Variants in MAF observed in about 807,000 individuals in gnomAD.
MAF encodes the protein transcription factor Maf.
MAF carries 10 observed loss-of-function variants against 22.0 expected under a neutral mutation model. That is an observed-to-expected ratio of 0.45 (90% CI 0.28 to 0.77). MAF has a LOEUF of 0.77. Ranked by LOEUF, MAF falls within the 30% of genes least tolerant of loss-of-function variation. The probability of loss-of-function intolerance (pLI) is 0.12; values close to 1 mark genes in which losing one functional copy is unlikely to be tolerated. For missense variants in MAF, 544 were observed against 548.4 expected, an observed-to-expected ratio of 0.99 and a Z score of 0.08; for synonymous variants, 337 against 255.8, an observed-to-expected ratio of 1.32 and a Z score of -3.03.
chr16:79,403,360 A>G, the MAF span, among the ~76,000 whole-genome samples: 1 of 152,222 alleles, frequency 6.6e-6, no homozygotes, highest in Non-Finnish European at 1.5e-5. Context: ...CGCCTGGGTT[A>G]TCAACCTAAG....
At chr16:79,362,281 T>C in the MAF span, among the ~76,000 whole-genome samples, 1 of 152,244 alleles carries the variant, frequency 6.6e-6, no homozygotes, top group Non-Finnish European at 1.5e-5. Context: ...AGTGTTTGTG[T>C]TAGCGTGCAG....
the MAF span, among the ~76,000 whole-genome samples, chr16:79,511,053 G>A: frequency 6.6e-6 from 1 of 152,118 alleles, no homozygotes; most frequent in African/African-American, 2.4e-5. Context: ...CAGCTGGGAG[G>A]CCAGAAAGCA....
the MAF span, among the ~76,000 whole-genome samples, chr16:79,366,747 A>G: frequency 1.3e-5 from 2 of 152,246 alleles, no homozygotes; most frequent in African/African-American, 2.4e-5. Flanking sequence ...TGAGAAACGT[A>G]TGGTGCTAGA....
chr16:79,422,650 C>T, the MAF span, among the ~76,000 whole-genome samples: 2 of 152,086 alleles, frequency 1.3e-5, no homozygotes, highest in Non-Finnish European at 2.9e-5. Flanking sequence ...TATTCATATC[C>T]CCATTCCTTT....
the MAF span, among the ~76,000 whole-genome samples, chr16:79,304,561 T>C: frequency 1.3e-5 from 2 of 152,138 alleles, no homozygotes; most frequent in Non-Finnish European, 2.9e-5. Context: ...ATTCCATAAG[T>C]TGGAGACAAA....
intron 1 of MAF, chr16:79,596,983 T>A (rs1913570055): frequency 9.5e-7 from 1 of 1,052,968 alleles, no homozygotes; most frequent in Non-Finnish European, 1.1e-6. Context: ...CATTTTTGAA[T>A]GTAAAATACC....
chr16:79,281,547 T>G, the MAF span, among the ~76,000 whole-genome samples: 1 of 68,898 alleles, frequency 1.5e-5, no homozygotes, highest in South Asian at 6.6e-4. Context: ...CTTTGAAGAC[T>G]TTTTTTTTTT....
At chr16:79,244,190 A>C in the MAF span, among the ~76,000 whole-genome samples, 1 of 152,090 alleles carries the variant, frequency 6.6e-6, no homozygotes, top group Admixed American at 6.6e-5. Context: ...GCTCCTATTC[A>C]ACACAGTATC....
chr16:79,498,867 C>T, the MAF span, among the ~76,000 whole-genome samples: 1 of 152,176 alleles, frequency 6.6e-6, no homozygotes, highest in African/African-American at 2.4e-5. Flanking sequence ...TAAAACCTCT[C>T]CTCAGGTGTG....
At chr16:79,512,355 G>C in the MAF span, among the ~76,000 whole-genome samples, 3 of 152,190 alleles carry the variant, frequency 2.0e-5, no homozygotes, top group African/African-American at 7.2e-5. Context: ...GTCTCTGGTT[G>C]AAGAAAATGA....
chr16:79,437,513 G>C, the MAF span, among the ~76,000 whole-genome samples: 1 of 152,044 alleles, frequency 6.6e-6, no homozygotes, highest in African/African-American at 2.4e-5. Context: ...TTTACAGTGA[G>C]GGAGACAAAG....
the MAF span, among the ~76,000 whole-genome samples, chr16:79,377,975 T>G: frequency 2.0e-5 from 3 of 152,206 alleles, no homozygotes; most frequent in Admixed American, 1.3e-4. Flanking sequence ...GCCTCCAGCT[T>G]TGTTCTTTTG....
the MAF span, among the ~76,000 whole-genome samples, chr16:79,215,429 C>G: frequency 6.6e-6 from 1 of 152,154 alleles, no homozygotes; most frequent in Non-Finnish European, 1.5e-5. Flanking sequence ...AGTTATGCTT[C>G]AAGCATTTGG....
Position 79,594,226 on chromosome 16 carries a change from G to T in MAF, c.*234C>A. On this transcript the variant is annotated 3_prime_UTR_variant, in exon 2 of 2. Transcript: ENST00000326043. ...ATGGCAGGTTGAAAGCAATGCACCT[G>T]TTTACTTGCACACACCATAAATCGA... 1.9e-6 allele frequency: 1 copy of T among 515,792 alleles called. No homozygotes were observed. The highest frequency in any genetic ancestry group is 3.5e-6 in the Non-Finnish European group (1 of 287,890). 32.0% of individuals were successfully genotyped at this position (515,792 alleles called of 1,614,324 possible). A position where few individuals can be genotyped will look rare whatever the true frequency, so the allele number is the denominator to read the frequency against.
the MAF span, among the ~76,000 whole-genome samples, chr16:79,310,213 C>T: frequency 2.6e-5 from 4 of 152,082 alleles, no homozygotes; most frequent in Admixed American, 2.0e-4. Flanking sequence ...ACTTGGTGCA[C>T]GCACGGGAGC....
the MAF span, among the ~76,000 whole-genome samples, chr16:79,475,048 G>T: frequency 2.0e-5 from 3 of 152,206 alleles, no homozygotes; most frequent in East Asian, 3.9e-4. Context: ...TGCACACATG[G>T]CCTTGGCCTC....
At chr16:79,208,267 C>T in the MAF span, among the ~76,000 whole-genome samples, 1 of 152,120 alleles carries the variant, frequency 6.6e-6, no homozygotes, top group East Asian at 1.9e-4. Flanking sequence ...AATTCTCAGT[C>T]CTGTGTCGTC....
At chr16:79,416,974 T>C in the MAF span, among the ~76,000 whole-genome samples, 1 of 152,350 alleles carries the variant, frequency 6.6e-6, no homozygotes, top group South Asian at 2.1e-4. Context: ...GCACACCAGC[T>C]TTATATTCAA....
At chr16:79,502,449 T>C in the MAF span, among the ~76,000 whole-genome samples, 1 of 151,954 alleles carries the variant, frequency 6.6e-6, no homozygotes, top group Non-Finnish European at 1.5e-5. Context: ...GTGGGTGGCT[T>C]GAGGTCACAA....
Sources: gnomAD v4.1 joint callset for allele counts (sites outside exome capture counted in the v4.1 genomes callset) on GRCh38, gnomAD v4.1.1 for gene constraint, MANE v1.5 for transcripts, NCBI Gene and HGNC (gene_info 2026-07-23, HGNC 2026-07-21) for gene names.